The following VAV1 variants were observed in gnomAD, a reference collection of about 807,000 sequenced individuals.
VAV1 encodes vav guanine nucleotide exchange factor 1.
A neutral mutation model predicts 128.1 loss-of-function variants in VAV1; 33 were observed. That is an observed-to-expected ratio of 0.26 (90% CI 0.20 to 0.34). The LOEUF (loss-of-function observed/expected upper bound fraction) is 0.34. Ranked by LOEUF, VAV1 falls within the 10% of genes least tolerant of loss-of-function variation. The pLI, the probability that VAV1 is intolerant of heterozygous loss-of-function variation, is 1.00. For synonymous variants in VAV1, 394 were observed against 409.8 expected (o/e 0.96, Z 0.47); for missense variants, 715 against 1,093.7 (o/e 0.65, Z 4.88).
Position 6,833,936 on chromosome 19 carries a change from A to G in VAV1, c.1760A>G (p.Lys587Arg). The G allele has an allele frequency of 6.2e-7, 1 of 1,614,018 alleles. No individual in the cohort carries two copies. Among genetic ancestry groups the G allele is most frequent in the Non-Finnish European group, 8.5e-7 (1 of 1,180,006 alleles). ...KDKLHRRAQD[K>R]KRNELGLPKM... is the part of the protein sequence containing the mutation. ...AAACTACATCGCAGGGCTCAGGACAAAAAGAGGAATGAGCTGGGTGAGTTG... is the reference window on the plus strand; with the variant it reads ...AAACTACATCGCAGGGCTCAGGACAGAAAGAGGAATGAGCTGGGTGAGTTG... Residue 587 changes from lysine (K) to arginine (R), a missense_variant, in exon 19 of 27, where the codon AAA becomes AGA. By Grantham distance (26) the Lys-to-Arg change is conservative. Around this residue, in one of 3 missense-constraint regions of VAV1, gnomAD observed 407 missense variants for 580.6 expected, o/e 0.70. Coordinates refer to ENST00000602142, the MANE Select transcript of VAV1 (RefSeq NM_005428.4).
chr19:6,835,514 A>C (rs1972199191), intron 19 of VAV1, among the ~76,000 whole-genome samples: 1 of 152,158 alleles, frequency 6.6e-6, no homozygotes, highest in Non-Finnish European at 1.5e-5. Flanking sequence ...TCACCACAGA[A>C]AGCTTTGTCA....
Position 6,826,623 on chromosome 19 carries a change from A to G in VAV1, c.839A>G (p.Tyr280Cys). ...TCTTCTCCCTGTAGGTTCCTCGTCT[A>G]TGGCCGCTACTGCAGCCAGGTGGAG... is the stretch of plus-strand genomic sequence containing the variant. ...FIKYKERFLV[Y>C]GRYCSQVESA... Residue 280 changes from tyrosine (Y) to cysteine (C), a missense_variant, in exon 9 of 27, where the codon TAT becomes TGT. Around this residue, in one of 3 missense-constraint regions of VAV1, gnomAD observed 302 missense variants for 477.8 expected, o/e 0.63. Transcript: ENST00000602142. The surrounding 1 kb of genome is among the most constrained non-coding windows in gnomAD (Gnocchi z 4.1). 6.4e-7 allele frequency: 1 copy of G among 1,554,550 alleles called. No individual in the cohort carries two copies. The highest frequency in any genetic ancestry group is 8.7e-7 in the Non-Finnish European group (1 of 1,149,296).
intron 22 of VAV1, among the ~76,000 whole-genome samples, chr19:6,845,156 C>A (rs1014591867): frequency 2.6e-5 from 4 of 151,838 alleles, no homozygotes; most frequent in African/African-American, 9.7e-5. Context: ...CGAGGCGGGT[C>A]GATCACTTGA....
intron 21 of VAV1, among the ~76,000 whole-genome samples, chr19:6,842,839 A>T (rs1320277868): frequency 6.6e-6 from 1 of 152,154 alleles, no homozygotes; most frequent in Non-Finnish European, 1.5e-5. Flanking sequence ...GTCCCTAAAA[A>T]AAAGAAAAAA....
chr19:6,791,091 G>A (rs570866223), intron 1 of VAV1, among the ~76,000 whole-genome samples: 1 of 152,312 alleles, frequency 6.6e-6, no homozygotes, highest in Non-Finnish European at 1.5e-5. Context: ...TCTCTTACAA[G>A]GACACTTGTT....
chr19:6,777,950 GC>G lies in VAV1; in HGVS notation c.204+4941del. ...TGAGTATCTGGGATTACAGGCGCCT[GC>G]CACCACGCCTGGCTAATTTCTGTTG... On this transcript the variant is annotated intron_variant, in intron 1 of 26. Transcript: ENST00000602142. This position sits in a 1 kb window ranked among gnomAD's most constrained non-coding sequence, Gnocchi z 4.4. Among the ~76,000 whole-genome samples the G allele has an allele frequency of 6.6e-6, 1 of 152,120 alleles. No homozygotes were observed. Among genetic ancestry groups the G allele is most frequent in the East Asian group, 1.9e-4 (1 of 5,180 alleles).
intron 21 of VAV1, among the ~76,000 whole-genome samples, 180 bp downstream of exon 21, chr19:6,837,230 G>C (rs1243343558): frequency 6.6e-6 from 1 of 152,178 alleles, no homozygotes; most frequent in African/African-American, 2.4e-5. Flanking sequence ...GGCCACCCTG[G>C]AAACAATGAT....
rs866671404 is a variant in VAV1, at chr19:6,782,945, G to A, written c.204+9934G>A. ...GCCTGTAATCCCAGCACCTTGGGAGGCCAAGGCAGGTGGATCATGAGGTCA... is the reference window on the plus strand; with the variant it reads ...GCCTGTAATCCCAGCACCTTGGGAGACCAAGGCAGGTGGATCATGAGGTCA... On this transcript the variant is annotated intron_variant, in intron 1 of 26. Transcript: ENST00000602142. Among the ~76,000 whole-genome samples, 7 of 152,044 alleles carry A rather than the reference G, an allele frequency of 4.6e-5. No homozygotes were observed. The Middle Eastern group carries it at 0.021, about 446-fold the overall frequency.
rs1183871041 is a variant in VAV1, at chr19:6,772,849, C to T, written c.42C>T (p.Cys14=). 1.2e-6 allele frequency: 2 copies of T among 1,613,922 alleles called. No individual in the cohort carries two copies. The highest frequency in any genetic ancestry group is 1.3e-5 in the African/African-American group (1 of 74,914). The change falls in exon 1 of 27, where the codon TGC becomes TGT. Residue 14 remains cysteine (C), a synonymous_variant. Coordinates refer to ENST00000602142, the MANE Select transcript of VAV1 (RefSeq NM_005428.4). The surrounding 1 kb of genome is among the most constrained non-coding windows in gnomAD (Gnocchi z 4.8). ...AATGCACCCACTGGCTCATCCAGTG[C>T]CGGGTGCTGCCGCCCAGCCACCGCG... The part of the protein sequence containing the change: ...WRQCTHWLIQ[C]RVLPPSHRVT...
In VAV1 at chr19:6,829,864, C is replaced by T. The variant is rs1046027717; in HGVS notation, c.1344C>T (p.Asn448=). Residue 448 remains asparagine (N), a synonymous_variant, in exon 14 of 27, where the codon AAC becomes AAT. Coordinates refer to ENST00000602142, the MANE Select transcript of VAV1 (RefSeq NM_005428.4). ...GDSYDLKDFV[N]LHSFQVRDDS... Reference sequence around the variant, plus strand: ...CCTATGACCTCAAGGACTTTGTAAACCTGCACAGCTTCCAGGTTCGGGATG... The same window carrying T: ...CCTATGACCTCAAGGACTTTGTAAATCTGCACAGCTTCCAGGTTCGGGATG... The T allele has an allele frequency of 1.6e-5, 26 of 1,614,064 alleles. No individual in the cohort carries two copies. Among genetic ancestry groups the T allele is most frequent in the East Asian group, 2.2e-5 (1 of 44,898 alleles).
chr19:6,840,595 G>A lies in VAV1; in HGVS notation c.1981-2540G>A, dbSNP rs1049327028. ...ATTACAGGCGTGAGCCACTGCGCCC[G>A]GCCTTTTTTTATTTTTATTTTTTTG... On this transcript the variant is annotated intron_variant, in intron 21 of 26. Transcript: ENST00000602142. Among the ~76,000 whole-genome samples the A allele has an allele frequency of 2.6e-5, 4 of 151,726 alleles. No homozygotes were observed. In the South Asian group the frequency reaches 6.2e-4, roughly 24 times the overall value.
intron 7 of VAV1, 24 bp downstream of exon 7, chr19:6,825,145 T>C: frequency 8.1e-6 from 13 of 1,608,052 alleles, no homozygotes; most frequent in Non-Finnish European, 1.0e-5. Context: ...TCCCCAGCCC[T>C]CTTGGGTCTG....
intron 21 of VAV1, 114 bp downstream of exon 21, chr19:6,837,164 G>A (rs1972243925): frequency 1.8e-6 from 2 of 1,115,686 alleles, no homozygotes; most frequent in Non-Finnish European, 2.7e-6. Flanking sequence ...GCCCATCATG[G>A]CAGGTCTTTC....
At chr19:6,788,340 T>A (rs1413734286) in intron 1 of VAV1, among the ~76,000 whole-genome samples, 1 of 127,486 alleles carries the variant, frequency 7.8e-6, no homozygotes, top group Non-Finnish European at 1.6e-5. Context: ...TTGAACATGA[T>A]TCTTTTTATT....
chr19:6,843,957 G>A (rs1024488425), intron 22 of VAV1, among the ~76,000 whole-genome samples: 5 of 151,102 alleles, frequency 3.3e-5, no homozygotes, highest in Admixed American at 6.6e-5. Context: ...AATTGCTGGC[G>A]CATCAGCTAT....
At chr19:6,814,678 T>TC (rs1971594149) in intron 1 of VAV1, among the ~76,000 whole-genome samples, 1 of 104,222 alleles carries the variant, frequency 9.6e-6, no homozygotes, top group African/African-American at 4.8e-5. Context: ...CTTCCTTTCT[T>TC]TCTTTCTTTC....
chr19:6,854,583 G>T (rs892506869), intron 26 of VAV1, among the ~76,000 whole-genome samples: 3 of 151,968 alleles, frequency 2.0e-5, no homozygotes, highest in Non-Finnish European at 4.4e-5. Context: ...CATTAGTTGG[G>T]CGTGGTAGTG....
chr19:6,819,547 C>CT (rs1190725694), intron 1 of VAV1, among the ~76,000 whole-genome samples: 1 of 152,166 alleles, frequency 6.6e-6, no homozygotes, highest in East Asian at 1.9e-4. Flanking sequence ...TATTTTGCTC[C>CT]TTTTTTATGG....
At chr19:6,839,431 T>G (rs1015075749) in intron 21 of VAV1, among the ~76,000 whole-genome samples, 7 of 151,998 alleles carry the variant, frequency 4.6e-5, no homozygotes, top group African/African-American at 1.7e-4. Flanking sequence ...CACACCTGGC[T>G]AATTTTTTGT....
Sources: allele counts gnomAD v4.1 joint callset (sites outside exome capture counted in the v4.1 genomes callset), GRCh38; gene constraint gnomAD v4.1.1; regional missense constraint gnomAD v4.1.1; non-coding constraint Gnocchi (gnomAD v3.1); transcripts MANE v1.5; gene names NCBI Gene and HGNC (gene_info 2026-07-23, HGNC 2026-07-21).